Variants in TWSG1 observed in about 807,000 individuals in gnomAD.
TWSG1 encodes twisted gastrulation protein homolog 1.
A neutral mutation model predicts 23.0 loss-of-function variants in TWSG1; 15 were observed. The ratio of observed to expected loss-of-function variants is 0.65; its 90% CI spans 0.44 to 1.00. The LOEUF (loss-of-function observed/expected upper bound fraction) is 1.00. Ranked by LOEUF, TWSG1 falls within the 50% of genes least tolerant of loss-of-function variation. The pLI is 0.00. For missense variants in TWSG1, 242 were observed against 278.7 expected (o/e 0.87, Z 0.94); for synonymous variants, 86 against 92.8 (o/e 0.93, Z 0.42).
At chr18:9,373,562 T>C (rs1305913378) in intron 3 of TWSG1, among the ~76,000 whole-genome samples, 1 of 151,920 alleles carries the variant, frequency 6.6e-6, no homozygotes, top group Admixed American at 6.6e-5. Flanking sequence ...AAAACAAAAC[T>C]CTGTGAGGCA....
At chr18:9,347,471 A>T (rs1405985242) in intron 2 of TWSG1, among the ~76,000 whole-genome samples, 1 of 152,202 alleles carries the variant, frequency 6.6e-6, no homozygotes, top group East Asian at 1.9e-4. Context: ...TTGTTTCATG[A>T]ACATGTGTGC....
intron 3 of TWSG1, among the ~76,000 whole-genome samples, chr18:9,373,197 A>G (rs1422271458): frequency 6.6e-6 from 1 of 152,214 alleles, no homozygotes; most frequent in Non-Finnish European, 1.5e-5. Flanking sequence ...CAATTCTCCA[A>G]AAAGAAATAA....
chr18:9,373,770 A>T (rs887784339), intron 3 of TWSG1, among the ~76,000 whole-genome samples: 2 of 152,252 alleles, frequency 1.3e-5, no homozygotes, highest in Non-Finnish European at 2.9e-5. Context: ...TCTCAAGCTT[A>T]TGTGAAACAT....
chr18:9,368,047 T>C (rs2040587916), intron 3 of TWSG1, among the ~76,000 whole-genome samples: 1 of 152,208 alleles, frequency 6.6e-6, no homozygotes, highest in Admixed American at 6.5e-5. Context: ...CATACTGTTC[T>C]CCATAATGGT....
At chr18:9,346,572 T>G (rs2040478330) in intron 2 of TWSG1, among the ~76,000 whole-genome samples, 1 of 152,012 alleles carries the variant, frequency 6.6e-6, no homozygotes, top group African/African-American at 2.4e-5. Flanking sequence ...AGGCTGAGAA[T>G]TCAAGATTGT....
At chr18:9,363,164 A>C (rs956534404) in intron 3 of TWSG1, among the ~76,000 whole-genome samples, 1 of 152,118 alleles carries the variant, frequency 6.6e-6, no homozygotes, top group African/African-American at 2.4e-5. Flanking sequence ...TACTTTCTCT[A>C]GGAAACTTTC....
intron 2 of TWSG1, among the ~76,000 whole-genome samples, chr18:9,349,858 A>G (rs2040493667): frequency 6.6e-6 from 1 of 152,056 alleles, no homozygotes; most frequent in Non-Finnish European, 1.5e-5. Context: ...TTGTGGTGCC[A>G]TGGCTGGGTG....
chr18:9,337,589 A>G (rs556481697), intron 2 of TWSG1, among the ~76,000 whole-genome samples: 1 of 152,328 alleles, frequency 6.6e-6, no homozygotes, highest in South Asian at 2.1e-4. Flanking sequence ...TGTTGTATAA[A>G]CATGTCATTA....
intron 4 of TWSG1, 62 bp downstream of exon 4, chr18:9,396,608 A>G (rs760745762): frequency 3.9e-6 from 6 of 1,556,432 alleles, no homozygotes; most frequent in Non-Finnish European, 5.2e-6. Flanking sequence ...CATGTAATCT[A>G]TAAAACCTAT....
Position 9,400,019 on chromosome 18 carries a change from G to T in TWSG1, c.*492G>T, listed in dbSNP as rs1469365961. ...GAGTAGATATTTGATATACCACTCTGATAACTCATATAAAAATATCATCAT... is the reference window on the plus strand; with the variant it reads ...GAGTAGATATTTGATATACCACTCTTATAACTCATATAAAAATATCATCAT... On this transcript the variant is annotated 3_prime_UTR_variant, in exon 5 of 5. Transcript: ENST00000262120. 1 of 152,630 alleles carries T rather than the reference G, an allele frequency of 6.6e-6. No homozygotes were observed. Among genetic ancestry groups the T allele is most frequent in the East Asian group, 1.9e-4 (1 of 5,192 alleles). 9.5% of individuals were successfully genotyped at this position (152,630 alleles called of 1,614,324 possible). A position where few individuals can be genotyped will look rare whatever the true frequency, so the allele number is the denominator to read the frequency against.
intron 2 of TWSG1, among the ~76,000 whole-genome samples, chr18:9,339,598 G>A (rs2040437082): frequency 6.6e-6 from 1 of 152,042 alleles, no homozygotes; most frequent in Non-Finnish European, 1.5e-5. Context: ...GGGATTACAG[G>A]TGTGAGTCAC....
intron 3 of TWSG1, among the ~76,000 whole-genome samples, chr18:9,364,178 T>C (rs1240140805): frequency 2.0e-5 from 3 of 152,226 alleles, no homozygotes; most frequent in Non-Finnish European, 4.4e-5. Context: ...TTCTTCAAAA[T>C]AAACCACATT....
Position 9,337,309 on chromosome 18 carries a change from AC to A in TWSG1, c.81del (p.Asn27LysfsTer9). 1 of 1,613,684 alleles carries A rather than the reference AC, an allele frequency of 6.2e-7. No individual in the cohort carries two copies. The highest frequency in any genetic ancestry group is 8.5e-7 in the Non-Finnish European group (1 of 1,179,960). The stretch of plus-strand genomic sequence containing the variant: ...TGGCTTCCAGAATCACTGAGCTGTA[AC>A]AAAGCACTCTGTGCTAGTGATGTGA... ...LTWLPESLSCNKALCASDVSK... is the reference protein window; with the variant it reads ...LTWLPESLSCXKALCASDVSK... On this transcript the variant is annotated frameshift_variant, in exon 2 of 5. Coordinates refer to ENST00000262120, the MANE Select transcript of TWSG1 (RefSeq NM_020648.6). LOFTEE classifies it high-confidence loss of function.
intron 3 of TWSG1, among the ~76,000 whole-genome samples, chr18:9,371,739 G>A (rs1204213628): frequency 6.7e-6 from 1 of 150,232 alleles, no homozygotes; most frequent in Non-Finnish European, 1.5e-5. Flanking sequence ...AACACACAAA[G>A]AATAAGTGAA....
intron 3 of TWSG1, among the ~76,000 whole-genome samples, chr18:9,383,887 C>A (rs946069050): frequency 6.6e-6 from 1 of 151,968 alleles, no homozygotes; most frequent in Non-Finnish European, 1.5e-5. Context: ...GATAGTGATC[C>A]AGGTATTGAA....
chr18:9,378,484 G>C (rs912904066), intron 3 of TWSG1, among the ~76,000 whole-genome samples: 17 of 152,178 alleles, frequency 1.1e-4, no homozygotes, highest in African/African-American at 3.9e-4. Flanking sequence ...CACCCATGCT[G>C]AGAGCCAAAT....
intron 2 of TWSG1, among the ~76,000 whole-genome samples, chr18:9,348,287 A>T (rs886086087): frequency 2.6e-5 from 4 of 152,228 alleles, no homozygotes; most frequent in African/African-American, 7.2e-5. Flanking sequence ...TTGTGGGAGT[A>T]GCCTAACTGA....
intron 3 of TWSG1, among the ~76,000 whole-genome samples, chr18:9,387,335 A>C (rs560285094): frequency 6.6e-6 from 1 of 152,366 alleles, no homozygotes; most frequent in East Asian, 1.9e-4. Flanking sequence ...TTAATTTTTT[A>C]TTATAAAAAT....
At chr18:9,339,428 G>A (rs1032243485) in intron 2 of TWSG1, among the ~76,000 whole-genome samples, 10 of 152,018 alleles carry the variant, frequency 6.6e-5, no homozygotes, top group African/African-American at 2.4e-4. Flanking sequence ...CTACAGGCAC[G>A]TGGCACCATG....
Sources: gnomAD v4.1 joint callset for allele counts (sites outside exome capture counted in the v4.1 genomes callset) on GRCh38, gnomAD v4.1.1 for gene constraint, MANE v1.5 for transcripts, NCBI Gene and HGNC (gene_info 2026-07-23, HGNC 2026-07-21) for gene names.